Variants in CMTM8 observed in about 807,000 individuals in gnomAD.
The protein encoded by CMTM8 is CKLF like MARVEL transmembrane domain containing 8.
CMTM8 carries 12 observed loss-of-function variants against 18.6 expected under a neutral mutation model. The observed-to-expected ratio is 0.65, with a 90% CI of 0.41 to 1.05. CMTM8 has a LOEUF of 1.05. Ranked by LOEUF, CMTM8 falls within the 50% of genes least tolerant of loss-of-function variation. The pLI, the probability that CMTM8 is intolerant of heterozygous loss-of-function variation, is 0.00. For missense variants in CMTM8, 217 were observed against 227.2 expected (o/e 0.95, Z 0.29); for synonymous variants, 87 against 90.6 (o/e 0.96, Z 0.23).
chr3:32,347,560 C>G (rs1281235860), intron 1 of CMTM8, among the ~76,000 whole-genome samples: 1 of 152,126 alleles, frequency 6.6e-6, no homozygotes, highest in Non-Finnish European at 1.5e-5. Flanking sequence ...TCAGTACTCT[C>G]AAGGGCCGGG....
At chr3:32,326,262 T>C (rs74541374) in intron 1 of CMTM8, among the ~76,000 whole-genome samples, 10,108 of 152,274 alleles carry the variant, frequency 0.066, 410 homozygotes, top group Middle Eastern at 0.12. Context: ...GATGCCAGAA[T>C]AGGTTTTCAA....
chr3:32,354,589 G>A (rs893698879), intron 1 of CMTM8, among the ~76,000 whole-genome samples: 29 of 152,202 alleles, frequency 1.9e-4, no homozygotes, highest in African/African-American at 6.8e-4. Context: ...TGTGAGTTGA[G>A]CCTGTTTAGC....
intron 2 of CMTM8, among the ~76,000 whole-genome samples, chr3:32,362,898 A>C (rs1289768389): frequency 2.0e-5 from 3 of 152,220 alleles, no homozygotes; most frequent in African/African-American, 7.2e-5. Context: ...ACCAGGATCC[A>C]CTGAGTCTTC....
At chr3:32,243,056 C>T (rs1348097876) in intron 1 of CMTM8, among the ~76,000 whole-genome samples, 2 of 151,500 alleles carry the variant, frequency 1.3e-5, no homozygotes, top group East Asian at 3.9e-4. Flanking sequence ...CCAAGCCTAC[C>T]TAATTTTTGT....
chr3:32,266,489 C>A (rs1173141816), intron 1 of CMTM8, among the ~76,000 whole-genome samples: 1 of 152,194 alleles, frequency 6.6e-6, no homozygotes, highest in Non-Finnish European at 1.5e-5. Context: ...CAAACCCCAG[C>A]CAATATCATA....
chr3:32,293,002 C>T (rs934384532), intron 1 of CMTM8, among the ~76,000 whole-genome samples: 1 of 151,642 alleles, frequency 6.6e-6, no homozygotes, highest in Non-Finnish European at 1.5e-5. Context: ...AGATATATAT[C>T]CATGTCCTGA....
chr3:32,281,696 C>G lies in CMTM8; in HGVS notation c.147+42577C>G, dbSNP rs1339903126. ...CCTGACTGAACCCTCTCCAATCAGC[C>G]TTGTCACTAGTCTACCCAAACAGCT... On this transcript the variant is annotated intron_variant, in intron 1 of 3. Coordinates refer to ENST00000307526, the MANE Select transcript of CMTM8 (RefSeq NM_178868.5). Among the ~76,000 whole-genome samples the G allele has an allele frequency of 3.3e-5, 5 of 152,224 alleles. No individual in the cohort carries two copies. The East Asian group carries it at 9.7e-4, about 29-fold the overall frequency.
intron 1 of CMTM8, among the ~76,000 whole-genome samples, chr3:32,341,511 A>G (rs780136173): frequency 2.0e-5 from 3 of 152,082 alleles, no homozygotes; most frequent in Non-Finnish European, 2.9e-5. Flanking sequence ...TATTATCTCT[A>G]TTTATTGATG....
At chr3:32,259,208 G>A in intron 1 of CMTM8, 2 of 531,576 alleles carry the variant, frequency 3.8e-6, no homozygotes, top group Non-Finnish European at 7.0e-6. Context: ...ACCACGCACA[G>A]CCTGAACGAC....
chr3:32,254,001 C>T (rs1161408598), intron 1 of CMTM8, among the ~76,000 whole-genome samples: 1 of 152,188 alleles, frequency 6.6e-6, no homozygotes, highest in African/African-American at 2.4e-5. Context: ...TCAAGTGATC[C>T]TCCTGCCTCA....
intron 1 of CMTM8, among the ~76,000 whole-genome samples, chr3:32,327,815 T>C (rs984982923): frequency 2.0e-5 from 3 of 152,258 alleles, no homozygotes; most frequent in African/African-American, 7.2e-5. Flanking sequence ...CAGATTCTTT[T>C]CGATTATAGT....
rs1374978689 is a variant in CMTM8, at chr3:32,358,494, G to C, written c.321+948G>C. Among the ~76,000 whole-genome samples the C allele has an allele frequency of 6.6e-6, 1 of 152,130 alleles. No homozygotes were observed. Among genetic ancestry groups the C allele is most frequent in the African/African-American group, 2.4e-5 (1 of 41,414 alleles). Reference sequence around the variant, plus strand: ...ACCAATATGTGAGAAAAAATATTTAGTTCCAAATAACTGACTTATGAACCA... The same window carrying C: ...ACCAATATGTGAGAAAAAATATTTACTTCCAAATAACTGACTTATGAACCA... On this transcript the variant is annotated intron_variant, in intron 2 of 3. Coordinates refer to ENST00000307526, the MANE Select transcript of CMTM8 (RefSeq NM_178868.5). This position sits in a 1 kb window ranked among gnomAD's most constrained non-coding sequence, Gnocchi z 4.1.
chr3:32,247,610 A>G (rs2125529136), intron 1 of CMTM8, among the ~76,000 whole-genome samples: 1 of 152,026 alleles, frequency 6.6e-6, no homozygotes, highest in East Asian at 1.9e-4. Context: ...ACAGGCGTGC[A>G]CCACCACGCC....
At chr3:32,339,686 G>A (rs1264950529) in intron 1 of CMTM8, among the ~76,000 whole-genome samples, 2 of 152,188 alleles carry the variant, frequency 1.3e-5, no homozygotes, top group African/African-American at 4.8e-5. Context: ...GGGGTAGGCC[G>A]GGCGCGGTGG....
intron 1 of CMTM8, among the ~76,000 whole-genome samples, chr3:32,346,918 T>C (rs892574612): frequency 4.6e-5 from 7 of 151,480 alleles, no homozygotes; most frequent in Non-Finnish European, 7.4e-5. Context: ...CCTCCTGGGC[T>C]CAAGCAACCC....
At chr3:32,287,726 A>G (rs1171302462) in intron 1 of CMTM8, among the ~76,000 whole-genome samples, 1 of 152,218 alleles carries the variant, frequency 6.6e-6, no homozygotes, top group African/African-American at 2.4e-5. Context: ...ATAAAAGTGC[A>G]CATTATTTTA....
At chr3:32,347,398 G>T (rs866667643) in intron 1 of CMTM8, among the ~76,000 whole-genome samples, 1 of 150,916 alleles carries the variant, frequency 6.6e-6, no homozygotes, top group South Asian at 2.1e-4. Flanking sequence ...TGACGGGGCT[G>T]GACTATTTAC....
chr3:32,271,633 G>T (rs1037717339), intron 1 of CMTM8, among the ~76,000 whole-genome samples: 1 of 151,856 alleles, frequency 6.6e-6, no homozygotes, highest in East Asian at 1.9e-4. Context: ...ACCATAATTT[G>T]CCCCTTCTAG....
intron 1 of CMTM8, among the ~76,000 whole-genome samples, chr3:32,325,734 GCTT>G (rs1696137535): frequency 6.6e-6 from 1 of 152,196 alleles, no homozygotes; most frequent in Non-Finnish European, 1.5e-5. Flanking sequence ...CTGTGACAGT[GCTT>G]CTTCCCTACC....
Sources: gnomAD v4.1 joint callset for allele counts (sites outside exome capture counted in the v4.1 genomes callset) on GRCh38, gnomAD v4.1.1 for gene constraint, Gnocchi (gnomAD v3.1) non-coding constraint, MANE v1.5 for transcripts, NCBI Gene and HGNC (gene_info 2026-07-23, HGNC 2026-07-21) for gene names.